The following FBXL20 variants were observed in gnomAD, a reference collection of about 807,000 sequenced individuals.
FBXL20 encodes F-box and leucine rich repeat protein 20, also known as F-box/LRR-repeat protein 20.
Under a neutral mutation model 64.0 loss-of-function variants are expected in FBXL20, and 11 were observed. The ratio of observed to expected loss-of-function variants is 0.17; its 90% CI spans 0.11 to 0.28. The LOEUF (loss-of-function observed/expected upper bound fraction) is 0.28, where lower values mean the gene tolerates loss of function less well. FBXL20 is among the 10% of genes least tolerant of loss of function. The pLI is 1.00. For synonymous variants in FBXL20, 184 were observed against 189.0 expected (o/e 0.97, Z 0.22); for missense variants, 303 against 526.2 (o/e 0.58, Z 4.15).
At chr17:39,286,909 CTTTTTTT>C (rs35221372) in intron 6 of FBXL20, among the ~76,000 whole-genome samples, 2 of 114,560 alleles carry the variant, frequency 1.7e-5, no homozygotes, top group Non-Finnish European at 1.7e-5. Flanking sequence ...GTATCTATTT[CTTTTTTT>C]TTTTTTTTTT....
intron 1 of FBXL20, among the ~76,000 whole-genome samples, chr17:39,374,337 T>TGG (rs1216419365): frequency 6.6e-6 from 1 of 151,732 alleles, no homozygotes; most frequent in East Asian, 1.9e-4. Flanking sequence ...GAAACCAGCC[T>TGG]GGCCAACATA....
chr17:39,287,238 CTTTAA>C (rs1280616999), intron 6 of FBXL20, among the ~76,000 whole-genome samples: 3 of 151,940 alleles, frequency 2.0e-5, no homozygotes, highest in Non-Finnish European at 2.9e-5. Flanking sequence ...TAGGTAAATA[CTTTAA>C]TTTATTAATA....
chr17:39,340,469 A>G (rs1337192349), intron 2 of FBXL20, among the ~76,000 whole-genome samples: 2 of 152,188 alleles, frequency 1.3e-5, no homozygotes, highest in Non-Finnish European at 2.9e-5. Flanking sequence ...ACCTCAAGTG[A>G]TCCGCCTGCC....
chr17:39,301,494 G>T (rs928632129), intron 3 of FBXL20, among the ~76,000 whole-genome samples: 1 of 151,988 alleles, frequency 6.6e-6, no homozygotes, highest in African/African-American at 2.4e-5. Flanking sequence ...TTAGGAGGCC[G>T]AGGCAGGCGG....
At chr17:39,310,860 C>T (rs896007619) in intron 2 of FBXL20, among the ~76,000 whole-genome samples, 1 of 152,094 alleles carries the variant, frequency 6.6e-6, no homozygotes, top group Non-Finnish European at 1.5e-5. Flanking sequence ...TGGCACACGC[C>T]TGTAATCTCA....
At chr17:39,278,708 C>T (rs529588909) in intron 9 of FBXL20, among the ~76,000 whole-genome samples, 61 of 142,026 alleles carry the variant, frequency 4.3e-4, no homozygotes, top group Admixed American at 1.4e-3. Context: ...CCACTACGCC[C>T]GGGCTAATTT....
rs34975638 is a variant in FBXL20, at chr17:39,256,320, C to CAAAAAA, written c.*5134_*5139dup. On this transcript the variant is annotated 3_prime_UTR_variant, in exon 15 of 15. Coordinates refer to ENST00000264658, the MANE Select transcript of FBXL20 (RefSeq NM_032875.3). ...TGGGTGACAGAGCGAGACTCCATGT[C>CAAAAAA]AAAAAAAAAAAAAAAAAAAAGAAAT... 2 of 92,010 alleles carry CAAAAAA rather than the reference C, an allele frequency of 2.2e-5. No homozygotes were observed. Among genetic ancestry groups the CAAAAAA allele is most frequent in the African/African-American group, 7.9e-5 (2 of 25,326 alleles). The allele number at this position is 92,010 out of a possible 1,614,324, so 5.7% of individuals were successfully genotyped here.
chr17:39,352,509 A>G (rs1224432524), intron 1 of FBXL20, among the ~76,000 whole-genome samples: 2 of 151,940 alleles, frequency 1.3e-5, no homozygotes, highest in Admixed American at 1.3e-4. Flanking sequence ...GTGAAACCCC[A>G]TCTCTACTAA....
At chr17:39,367,346 T>TCA (rs1218340059) in intron 1 of FBXL20, among the ~76,000 whole-genome samples, 1 of 150,656 alleles carries the variant, frequency 6.6e-6, no homozygotes, top group Non-Finnish European at 1.5e-5. Flanking sequence ...AGATAGAGTC[T>TCA]CACTCTGTTG....
chr17:39,319,351 C>T (rs2144508191), intron 2 of FBXL20, among the ~76,000 whole-genome samples: 1 of 151,978 alleles, frequency 6.6e-6, no homozygotes, highest in East Asian at 1.9e-4. Flanking sequence ...TCTAAGATTA[C>T]CTTACAAAAT....
chr17:39,302,043 T>G (rs780581322), intron 3 of FBXL20, among the ~76,000 whole-genome samples: 31 of 151,172 alleles, frequency 2.1e-4, no homozygotes, highest in Non-Finnish European at 4.3e-4. Flanking sequence ...GAGACAAAAG[T>G]TCAGTTTATG....
chr17:39,337,852 C>A (rs1215915133), intron 2 of FBXL20, among the ~76,000 whole-genome samples: 1 of 151,532 alleles, frequency 6.6e-6, no homozygotes, highest in Non-Finnish European at 1.5e-5. Context: ...CCAGCCGCCC[C>A]GTCCAGGAGG....
chr17:39,304,896 A>T (rs12449642), intron 2 of FBXL20, among the ~76,000 whole-genome samples: 23,572 of 151,980 alleles, frequency 0.16, 2,516 homozygotes, highest in East Asian at 0.24. Flanking sequence ...AGCTGGGATT[A>T]CAGGCATCCA....
rs1214044475 is a variant in FBXL20 at position 39,363,821 on chromosome 17, A to AAAC, written c.43-20581_43-20580insGTT. Among the ~76,000 whole-genome samples, 299 of 71,618 alleles carry AAAC rather than the reference A, an allele frequency of 4.2e-3. 22 individuals carry two copies. The highest frequency in any genetic ancestry group is 0.024 in the African/African-American group (228 of 9,548). 47.0% of individuals were successfully genotyped at this position (71,618 alleles called of 152,430 possible). A position where few individuals can be genotyped will look rare whatever the true frequency, so the allele number is the denominator to read the frequency against. On this transcript the variant is annotated intron_variant, in intron 1 of 14. Coordinates refer to ENST00000264658, the MANE Select transcript of FBXL20 (RefSeq NM_032875.3). Reference sequence around the variant, plus strand: ...GCAAGACTTTATCTCAAAAAAAAAAAAAAAACAAAAAACAAAAAAAAAAAC... The same window carrying AAAC: ...GCAAGACTTTATCTCAAAAAAAAAAAAACAAAAACAAAAAACAAAAAAAAAAAC...
chr17:39,369,438 A>G (rs1350754169), intron 1 of FBXL20, among the ~76,000 whole-genome samples: 1 of 151,614 alleles, frequency 6.6e-6, no homozygotes. Flanking sequence ...TTGTATTTTT[A>G]GCAGACAGGG....
chr17:39,378,175 C>G (rs1567902874), intron 1 of FBXL20, among the ~76,000 whole-genome samples: 1 of 152,132 alleles, frequency 6.6e-6, no homozygotes, highest in Non-Finnish European at 1.5e-5. Flanking sequence ...TCCAGAGTTG[C>G]CACATTATAA....
chr17:39,337,830 GC>G (rs896465665), intron 2 of FBXL20, among the ~76,000 whole-genome samples: 22 of 151,148 alleles, frequency 1.5e-4, no homozygotes, highest in African/African-American at 5.4e-4. Context: ...TGGGGGGTCA[GC>G]CCCCGCCAGG....
intron 12 of FBXL20, among the ~76,000 whole-genome samples, chr17:39,267,836 C>T (rs753428762): frequency 6.6e-6 from 1 of 152,102 alleles, no homozygotes; most frequent in Non-Finnish European, 1.5e-5. Context: ...ACATAGAGGA[C>T]ACTCAGGCAT....
intron 14 of FBXL20, among the ~76,000 whole-genome samples, chr17:39,261,853 C>T (rs369978937): frequency 4.8e-4 from 73 of 152,174 alleles, no homozygotes; most frequent in Admixed American, 1.4e-3. Flanking sequence ...GAAGCCGAGA[C>T]GGGCGGATCA....
Sources: allele counts gnomAD v4.1 joint callset (sites outside exome capture counted in the v4.1 genomes callset), GRCh38; gene constraint gnomAD v4.1.1; transcripts MANE v1.5; gene names NCBI Gene and HGNC (gene_info 2026-07-23, HGNC 2026-07-21).